VTA1: variants seen among roughly 807,000 people sequenced by gnomAD.
VTA1 encodes vacuolar protein sorting-associated protein VTA1 homolog.
Under a neutral mutation model 36.9 loss-of-function variants are expected in VTA1, and 24 were observed. The observed-to-expected ratio is 0.65, with a 90% confidence interval of 0.47 to 0.91. The LOEUF (loss-of-function observed/expected upper bound fraction) is 0.91. Among genes scored for constraint, VTA1 ranks in the 40% least tolerant of loss-of-function variants. The pLI, the probability that VTA1 is intolerant of heterozygous loss-of-function variation, is 0.00. For synonymous variants in VTA1, 142 were observed against 130.2 expected (o/e 1.09, Z -0.62); for missense variants, 393 against 377.2 (o/e 1.04, Z -0.35).
intron 3 of VTA1, among the ~76,000 whole-genome samples, chr6:142,170,054 C>A (rs1011409630): frequency 6.6e-6 from 1 of 152,070 alleles, no homozygotes; most frequent in Admixed American, 6.6e-5. Context: ...TAAAGAAATA[C>A]ATTATGGTTT....
At chr6:142,159,570 G>C (rs1015303104) in intron 1 of VTA1, among the ~76,000 whole-genome samples, 2 of 150,200 alleles carry the variant, frequency 1.3e-5, no homozygotes, top group Admixed American at 1.3e-4. Context: ...CTGGAATGCA[G>C]TGATGCAATC....
At chr6:142,183,251 A>C (rs1427649080) in intron 4 of VTA1, among the ~76,000 whole-genome samples, 1 of 152,240 alleles carries the variant, frequency 6.6e-6, no homozygotes, top group Non-Finnish European at 1.5e-5. Flanking sequence ...GATGGGTTCA[A>C]TATAAAATCA....
chr6:142,201,751 C>T (rs976026187), intron 6 of VTA1, among the ~76,000 whole-genome samples: 1 of 151,946 alleles, frequency 6.6e-6, no homozygotes, highest in Non-Finnish European at 1.5e-5. Flanking sequence ...ATACTCTGGC[C>T]TACGCATTTC....
intron 5 of VTA1, 150 bp downstream of exon 5, chr6:142,189,684 C>A: frequency 6.9e-6 from 4 of 575,766 alleles, no homozygotes; most frequent in South Asian, 2.8e-5. Context: ...AACTTAGGGA[C>A]AGTGAGAAAT....
At chr6:142,217,587 C>T (rs1432887320) in intron 7 of VTA1, among the ~76,000 whole-genome samples, 1 of 151,350 alleles carries the variant, frequency 6.6e-6, no homozygotes, top group Non-Finnish European at 1.5e-5. Context: ...AAAATATATA[C>T]ATATGGCAAA....
intron 2 of VTA1, among the ~76,000 whole-genome samples, chr6:142,168,443 A>C (rs1240702910): frequency 6.6e-6 from 1 of 151,992 alleles, no homozygotes; most frequent in African/African-American, 2.4e-5. Context: ...ACTTTATAAC[A>C]TCTTTGAAAA....
chr6:142,214,424 A>G (rs977315472), intron 7 of VTA1, among the ~76,000 whole-genome samples: 1 of 152,122 alleles, frequency 6.6e-6, no homozygotes, highest in African/African-American at 2.4e-5. Context: ...TCACACGGCA[A>G]TAGGAGAGTG....
intron 4 of VTA1, among the ~76,000 whole-genome samples, chr6:142,175,171 T>C (rs1484375514): frequency 6.6e-6 from 1 of 152,218 alleles, no homozygotes; most frequent in East Asian, 1.9e-4. Flanking sequence ...AGATGAATTA[T>C]GCAATTTACA....
Position 142,218,510 on chromosome 6 carries a change from T to C in VTA1, c.791T>C (p.Leu264Pro), listed in dbSNP as rs1776043880. 1 of 1,613,118 alleles carries C rather than the reference T, an allele frequency of 6.2e-7. No individual in the cohort carries two copies. The highest frequency in any genetic ancestry group is 8.5e-7 in the Non-Finnish European group (1 of 1,179,576). Residue 264 changes from leucine to proline, a missense_variant, in exon 8 of 8, where the codon CTA (leucine) becomes CCA (proline). Leu to Pro is a moderately conservative substitution (Grantham distance 98, BLOSUM62 -3). Coordinates refer to ENST00000367630, the MANE Select transcript of VTA1 (RefSeq NM_016485.5). ...FNTISQGDVR[L>P]TPEDFARAQK... is the part of the protein sequence containing the mutation. ...CTTTTTCTTCTAGGGGATGTTCGTC[T>C]AACCCCAGAAGACTTTGCTAGAGCT...
intron 4 of VTA1, among the ~76,000 whole-genome samples, chr6:142,188,225 CTTTTTTTTTTTTTTT>C (rs200348683): frequency 3.5e-4 from 28 of 78,962 alleles, no homozygotes; most frequent in Admixed American, 1.5e-3. Flanking sequence ...TTCTTTATTT[CTTTTTTTTTTTTTTT>C]TTTTTTTTTT....
chr6:142,175,053 A>G (rs550984454), intron 4 of VTA1, among the ~76,000 whole-genome samples: 2 of 152,326 alleles, frequency 1.3e-5, no homozygotes, highest in East Asian at 3.9e-4. Context: ...AACAACCTGA[A>G]TAACCGAAGC....
intron 1 of VTA1, among the ~76,000 whole-genome samples, chr6:142,150,135 T>C (rs903891518): frequency 8.5e-5 from 13 of 152,242 alleles, no homozygotes; most frequent in Non-Finnish European, 1.8e-4. Context: ...TTGTTACTGA[T>C]ATTTTTAACC....
chr6:142,198,106 T>A (rs10872551), intron 5 of VTA1, among the ~76,000 whole-genome samples: 34,122 of 73,850 alleles, frequency 0.46, 5,748 homozygotes, highest in East Asian at 0.72. Flanking sequence ...CAAAAAAAAA[T>A]ATATATATAT....
At chr6:142,210,186 AATAGTGCTGGGAAAACTGGATAACT>A (rs1775875109) in intron 7 of VTA1, among the ~76,000 whole-genome samples, 1 of 152,200 alleles carries the variant, frequency 6.6e-6, no homozygotes, top group South Asian at 2.1e-4. Flanking sequence ...TTTTTCAATA[AATAGTGCTGGGAAAACTGGATAACT>A]ATATGCAAAA....
In VTA1 at chr6:142,218,795, A is replaced by G; in HGVS notation, c.*152A>G. 1.2e-6 allele frequency: 1 copy of G among 859,078 alleles called. No individual in the cohort carries two copies. Among genetic ancestry groups the G allele is most frequent in the African/African-American group, 1.8e-5 (1 of 56,838 alleles). The allele number at this position is 859,078 out of a possible 1,614,324, so 53.2% of individuals were successfully genotyped here. On this transcript the variant is annotated 3_prime_UTR_variant, in exon 8 of 8. Transcript: ENST00000367630. ...GTGTGTATCAGATTTTTATTGAAGC[A>G]TTCATCAGCAGCCTCAACCAGTTTT...
chr6:142,165,658 C>T (rs779021152), intron 1 of VTA1, among the ~76,000 whole-genome samples: 1 of 152,186 alleles, frequency 6.6e-6, no homozygotes, highest in Non-Finnish European at 1.5e-5. Flanking sequence ...GAACTGTTCA[C>T]AGTTCTTATC....
intron 7 of VTA1, among the ~76,000 whole-genome samples, chr6:142,212,465 C>A (rs1198861184): frequency 6.6e-6 from 1 of 151,730 alleles, no homozygotes; most frequent in Non-Finnish European, 1.5e-5. Flanking sequence ...CCGAAAAAGG[C>A]AAACTATAGA....
rs1219061171 is a variant in VTA1, at chr6:142,222,861, A to G, written c.*4218A>G. ...CTATTCTAAGTATTTTGCATATATTAATTCATTTAATCTTCACAGTGGTCC... is the reference window on the plus strand; with the variant it reads ...CTATTCTAAGTATTTTGCATATATTGATTCATTTAATCTTCACAGTGGTCC... On this transcript the variant is annotated 3_prime_UTR_variant, in exon 8 of 8. Transcript: ENST00000367630. 6.6e-6 allele frequency: 1 copy of G among 152,222 alleles called. No individual in the cohort carries two copies. The highest frequency in any genetic ancestry group is 6.5e-5 in the Admixed American group (1 of 15,274). 9.4% of individuals were successfully genotyped at this position (152,222 alleles called of 1,614,324 possible). A position where few individuals can be genotyped will look rare whatever the true frequency, so the allele number is the denominator to read the frequency against.
chr6:142,190,737 T>C (rs1264003534), intron 5 of VTA1, among the ~76,000 whole-genome samples: 1 of 152,192 alleles, frequency 6.6e-6, no homozygotes, highest in Non-Finnish European at 1.5e-5. Flanking sequence ...TCAGTAAACT[T>C]TCTTAAAGGA....
Sources: allele counts gnomAD v4.1 joint callset (sites outside exome capture counted in the v4.1 genomes callset), GRCh38; gene constraint gnomAD v4.1.1; transcripts MANE v1.5; gene names NCBI Gene and HGNC (gene_info 2026-07-23, HGNC 2026-07-21).